HSD17B12: variants seen among roughly 807,000 people sequenced by gnomAD.
The protein encoded by HSD17B12 is hydroxysteroid 17-beta dehydrogenase 12.
In HSD17B12, 32 loss-of-function variants were observed where a neutral mutation model predicts 39.3. That is an observed-to-expected ratio of 0.81 (90% CI 0.61 to 1.09). HSD17B12 has a LOEUF of 1.09. Ranked by LOEUF, HSD17B12 falls within the 50% of genes least tolerant of loss-of-function variation. The probability of loss-of-function intolerance (pLI) is 0.00; values close to 1 mark genes in which losing one functional copy is unlikely to be tolerated. For synonymous variants in HSD17B12, 150 were observed against 146.7 expected (o/e 1.02, Z -0.16); for missense variants, 342 against 382.9 (o/e 0.89, Z 0.89).
chr11:43,790,183 A>G (rs12802524), intron 3 of HSD17B12, among the ~76,000 whole-genome samples: 1 of 152,242 alleles, frequency 6.6e-6, no homozygotes, highest in African/African-American at 2.4e-5. Context: ...AAGGTTAATT[A>G]CAAGCAAATT....
intron 1 of HSD17B12, among the ~76,000 whole-genome samples, chr11:43,703,042 TG>T (rs1949980578): frequency 1.3e-5 from 2 of 152,210 alleles, no homozygotes; most frequent in Non-Finnish European, 2.9e-5. Context: ...TTGTTTTTTT[TG>T]TTTGATGTAC....
At chr11:43,838,165 A>C (rs1951389300) in intron 7 of HSD17B12, 152 bp from the exon 8 acceptor site, 7 of 627,878 alleles carry the variant, frequency 1.1e-5, no homozygotes, top group Non-Finnish European at 2.0e-5. Context: ...CTGACCAAGC[A>C]TAGCACATAC....
At chr11:43,744,002 GGAATATGGAA>G (rs1371905033) in intron 1 of HSD17B12, among the ~76,000 whole-genome samples, 1 of 152,048 alleles carries the variant, frequency 6.6e-6, no homozygotes, top group African/African-American at 2.4e-5. Flanking sequence ...AAGGGCAGTC[GGAATATGGAA>G]GATTCTTCAA....
At chr11:43,623,337 A>G in the HSD17B12 span, among the ~76,000 whole-genome samples, 1 of 152,082 alleles carries the variant, frequency 6.6e-6, no homozygotes, top group African/African-American at 2.4e-5. Context: ...AACTCTTTCT[A>G]GTTAGCCATT....
At chr11:43,729,142 C>G (rs1324811822) in intron 1 of HSD17B12, among the ~76,000 whole-genome samples, 1 of 152,080 alleles carries the variant, frequency 6.6e-6, no homozygotes, top group African/African-American at 2.4e-5. Context: ...AATAGAGTAG[C>G]AACTTAGTAA....
intron 3 of HSD17B12, among the ~76,000 whole-genome samples, chr11:43,762,711 T>C (rs771674748): frequency 1.3e-5 from 2 of 152,226 alleles, no homozygotes; most frequent in Non-Finnish European, 2.9e-5. Context: ...ATTAAAGGAA[T>C]TGATACCTCC....
At chr11:43,655,435 A>G in the HSD17B12 span, among the ~76,000 whole-genome samples, 57,913 of 151,890 alleles carry the variant, frequency 0.38, 12,452 homozygotes, top group East Asian at 0.74. Context: ...AGAACTTCCA[A>G]CACTATGTTG....
chr11:43,592,765 G>A, the HSD17B12 span, among the ~76,000 whole-genome samples: 1 of 151,996 alleles, frequency 6.6e-6, no homozygotes, highest in African/African-American at 2.4e-5. Flanking sequence ...GGCTTATAGA[G>A]CCATTTTTTT....
upstream of HSD17B12, among the ~76,000 whole-genome samples, chr11:43,677,766 A>G (rs1035542537): frequency 1.3e-5 from 2 of 152,210 alleles, no homozygotes; most frequent in African/African-American, 4.8e-5. Flanking sequence ...TACAAAGGAC[A>G]TGAACTCATC....
chr11:43,686,130 A>G (rs1949796604), intron 1 of HSD17B12, among the ~76,000 whole-genome samples: 1 of 152,188 alleles, frequency 6.6e-6, no homozygotes, highest in African/African-American at 2.4e-5. Flanking sequence ...GACTCCCTGG[A>G]GGTCCAGCTT....
intron 1 of HSD17B12, among the ~76,000 whole-genome samples, chr11:43,712,171 C>A (rs1164427959): frequency 6.6e-6 from 1 of 152,182 alleles, no homozygotes; most frequent in Admixed American, 6.5e-5. Flanking sequence ...GCTCATGCCT[C>A]TAATCCCAGG....
intron 1 of HSD17B12, among the ~76,000 whole-genome samples, chr11:43,721,440 A>T (rs1389605428): frequency 2.0e-5 from 3 of 152,058 alleles, no homozygotes; most frequent in African/African-American, 7.2e-5. Flanking sequence ...AACATGGTGA[A>T]ACCCCATCTC....
chr11:43,803,352 C>A (rs1950988951), intron 4 of HSD17B12, among the ~76,000 whole-genome samples: 1 of 152,142 alleles, frequency 6.6e-6, no homozygotes. Context: ...CTAGTAAGGG[C>A]AAAATAATTT....
At chr11:43,654,430 A>T in the HSD17B12 span, among the ~76,000 whole-genome samples, 27,308 of 151,154 alleles carry the variant, frequency 0.18, 2,959 homozygotes, top group Middle Eastern at 0.27. Context: ...TTGGCTTTTG[A>T]TGCCATTGCT....
At chr11:43,682,760 T>C (rs2134738059) in intron 1 of HSD17B12, among the ~76,000 whole-genome samples, 1 of 151,252 alleles carries the variant, frequency 6.6e-6, no homozygotes, top group Admixed American at 6.7e-5. Context: ...CAAAGACTAA[T>C]GTTAATAACT....
At chr11:43,824,805 G>C (rs1007597650) in intron 6 of HSD17B12, among the ~76,000 whole-genome samples, 6 of 152,156 alleles carry the variant, frequency 3.9e-5, no homozygotes, top group African/African-American at 1.4e-4. Flanking sequence ...AGACCAGCCT[G>C]GCCAACATAG....
chr11:43,611,729 G>A, the HSD17B12 span, among the ~76,000 whole-genome samples: 1 of 152,144 alleles, frequency 6.6e-6, no homozygotes, highest in African/African-American at 2.4e-5. Flanking sequence ...ATCTGATGTG[G>A]GGTGATTATT....
the HSD17B12 span, among the ~76,000 whole-genome samples, chr11:43,611,324 A>G: frequency 2.0e-5 from 3 of 152,200 alleles, no homozygotes; most frequent in Admixed American, 1.3e-4. Context: ...TACTCATCCC[A>G]TAGAGGTGAT....
the HSD17B12 span, among the ~76,000 whole-genome samples, chr11:43,558,614 G>A: frequency 8.5e-5 from 13 of 152,098 alleles, no homozygotes; most frequent in East Asian, 1.9e-4. Context: ...CCGTGTGGGG[G>A]CACTACTTGA....
Sources: gnomAD v4.1 joint callset for allele counts (sites outside exome capture counted in the v4.1 genomes callset) on GRCh38, gnomAD v4.1.1 for gene constraint, MANE v1.5 for transcripts, NCBI Gene and HGNC (gene_info 2026-07-23, HGNC 2026-07-21) for gene names.